The following FOXP1 variants were observed in gnomAD, a reference collection of about 807,000 sequenced individuals.
FOXP1 encodes forkhead box P1, also known as forkhead box protein P1.
Under a neutral mutation model 98.2 loss-of-function variants are expected in FOXP1, and 15 were observed. The ratio of observed to expected loss-of-function variants is 0.15; its 90% CI spans 0.10 to 0.24. The LOEUF (loss-of-function observed/expected upper bound fraction) is 0.24. Ranked by LOEUF, FOXP1 falls within the 10% of genes least tolerant of loss-of-function variation. The pLI is 1.00. For missense variants in FOXP1, 633 were observed against 848.5 expected, an observed-to-expected ratio of 0.75 and a Z score of 3.15; for synonymous variants, 371 against 314.5, an observed-to-expected ratio of 1.18 and a Z score of -1.90.
intron 3 of FOXP1, among the ~76,000 whole-genome samples, chr3:71,372,159 T>C (rs139895876): frequency 2.7e-5 from 4 of 150,228 alleles, no homozygotes; most frequent in African/African-American, 9.8e-5. Context: ...ATTACAAGCA[T>C]GCACCACCAT....
chr3:71,353,687 G>A (rs576109398), intron 4 of FOXP1, among the ~76,000 whole-genome samples: 4 of 152,258 alleles, frequency 2.6e-5, no homozygotes, highest in South Asian at 2.1e-4. Context: ...TCCATAAGTC[G>A]TGTAAATAAG....
At chr3:71,404,120 C>CTTTTTCTTT (rs2082135901) in intron 3 of FOXP1, among the ~76,000 whole-genome samples, 5 of 62,702 alleles carry the variant, frequency 8.0e-5, no homozygotes, top group Admixed American at 5.1e-4. Context: ...TTTTCTTTTT[C>CTTTTTCTTT]TTTTTTTTTT....
chr3:71,092,033 C>G (rs1045132711), intron 7 of FOXP1, among the ~76,000 whole-genome samples: 3 of 151,862 alleles, frequency 2.0e-5, no homozygotes, highest in Non-Finnish European at 2.9e-5. Flanking sequence ...ACTAAAAATA[C>G]AAAAATTAGC....
chr3:71,038,169 T>C (rs2047859142), intron 11 of FOXP1, among the ~76,000 whole-genome samples: 1 of 152,196 alleles, frequency 6.6e-6, no homozygotes, highest in Non-Finnish European at 1.5e-5. Context: ...GAAATACATA[T>C]GCAACTCAGT....
In FOXP1 at chr3:71,558,523, TCTCA is replaced by T. The variant is rs538217671; in HGVS notation, c.-298+23022_-298+23025del. Among the ~76,000 whole-genome samples, 579 of 150,502 alleles carry T rather than the reference TCTCA, an allele frequency of 3.8e-3. 3 individuals are homozygous for T. The highest frequency in any genetic ancestry group is 0.013 in the African/African-American group (529 of 40,874). On this transcript the variant is annotated intron_variant, in intron 2 of 20. Coordinates refer to ENST00000649528, the MANE Select transcript of FOXP1 (RefSeq NM_001349338.3). ...GATTTTTTTTTTTTTTGAGATGGAGTCTCACTCTGTCGCCATGCTGGAGTGCAGT... is the reference window on the plus strand; with the variant it reads ...GATTTTTTTTTTTTTTGAGATGGAGTCTCTGTCGCCATGCTGGAGTGCAGT...
chr3:71,157,812 A>G (rs897535375), intron 6 of FOXP1, among the ~76,000 whole-genome samples: 1 of 152,000 alleles, frequency 6.6e-6, no homozygotes, highest in African/African-American at 2.4e-5. Context: ...GGAGGCCAGG[A>G]GTAGTGGCTC....
At chr3:71,177,226 TTGAAA>T (rs2061996365) in intron 6 of FOXP1, among the ~76,000 whole-genome samples, 1 of 152,158 alleles carries the variant, frequency 6.6e-6, no homozygotes, top group Admixed American at 6.5e-5. Flanking sequence ...CTCTCTCCCG[TTGAAA>T]TGAAATGAAA....
chr3:71,459,742 A>C (rs1317202132), intron 3 of FOXP1, among the ~76,000 whole-genome samples: 1 of 152,254 alleles, frequency 6.6e-6, no homozygotes, highest in African/African-American at 2.4e-5. Flanking sequence ...AGGCAAACAC[A>C]CATGAAAAAG....
intron 2 of FOXP1, among the ~76,000 whole-genome samples, chr3:71,513,473 C>T (rs1011772584): frequency 6.6e-6 from 1 of 152,200 alleles, no homozygotes; most frequent in African/African-American, 2.4e-5. Flanking sequence ...CCACCATCAT[C>T]TCCCCGCCAA....
At chr3:71,188,652 A>G (rs1560086652) in intron 6 of FOXP1, among the ~76,000 whole-genome samples, 1 of 152,166 alleles carries the variant, frequency 6.6e-6, no homozygotes, top group African/African-American at 2.4e-5. Context: ...TCCTGACCTC[A>G]GGTGATCCGC....
intron 13 of FOXP1, among the ~76,000 whole-genome samples, chr3:70,993,367 C>T (rs9841227): frequency 0.094 from 14,336 of 152,116 alleles, 1,175 homozygotes; most frequent in East Asian, 0.25. Flanking sequence ...CCAGTTCCTG[C>T]GTAGAGCCCA....
chr3:71,490,201 T>G (rs893465944), intron 3 of FOXP1, among the ~76,000 whole-genome samples: 4 of 151,934 alleles, frequency 2.6e-5, no homozygotes, highest in Non-Finnish European at 5.9e-5. Context: ...AAATGCACCT[T>G]GAGAAAAAAA....
intron 3 of FOXP1, among the ~76,000 whole-genome samples, chr3:71,443,519 G>A (rs1299120182): frequency 6.6e-6 from 1 of 152,130 alleles, no homozygotes; most frequent in Non-Finnish European, 1.5e-5. Flanking sequence ...CACTCGAGTT[G>A]GAAAGCCACT....
intron 6 of FOXP1, among the ~76,000 whole-genome samples, chr3:71,121,383 G>T (rs75177716): frequency 6.6e-6 from 1 of 151,606 alleles, no homozygotes; most frequent in African/African-American, 2.4e-5. Context: ...AAAAAAAGGG[G>T]GGGGGGATAT....
intron 4 of FOXP1, among the ~76,000 whole-genome samples, chr3:71,342,687 T>TTA (rs1553851195): frequency 2.1e-5 from 3 of 145,850 alleles, no homozygotes; most frequent in African/African-American, 7.6e-5. Flanking sequence ...AGACTCCGTC[T>TTA]AAAAAAAAAA....
intron 2 of FOXP1, among the ~76,000 whole-genome samples, chr3:71,549,797 C>T (rs1367862171): frequency 7.1e-6 from 1 of 140,632 alleles, no homozygotes; most frequent in African/African-American, 2.6e-5. Context: ...CTGAGACTTG[C>T]TGAAAGCCCT....
chr3:71,542,115 A>G (rs1242184511), intron 2 of FOXP1: 1 of 475,678 alleles, frequency 2.1e-6, no homozygotes, highest in Non-Finnish European at 4.3e-6. Context: ...GAAATGCAGC[A>G]TTAAAATAAT....
chr3:70,988,355 A>G (rs1201134404), intron 13 of FOXP1, among the ~76,000 whole-genome samples: 2 of 152,262 alleles, frequency 1.3e-5, no homozygotes, highest in African/African-American at 4.8e-5. Context: ...GCTAAAAGAC[A>G]AATGTGAATC....
intron 6 of FOXP1, among the ~76,000 whole-genome samples, chr3:71,120,350 G>T (rs1327649962): frequency 6.6e-6 from 1 of 152,196 alleles, no homozygotes; most frequent in Non-Finnish European, 1.5e-5. Flanking sequence ...GCTGAGAAGG[G>T]AAAGGCTCTA....
Sources: gnomAD v4.1 joint callset for allele counts (sites outside exome capture counted in the v4.1 genomes callset) on GRCh38, gnomAD v4.1.1 for gene constraint, MANE v1.5 for transcripts, NCBI Gene and HGNC (gene_info 2026-07-23, HGNC 2026-07-21) for gene names.